Variants in KCNJ6 observed in about 807,000 individuals in gnomAD.
The protein encoded by KCNJ6 is potassium inwardly rectifying channel subfamily J member 6.
Under a neutral mutation model 34.2 loss-of-function variants are expected in KCNJ6, and 9 were observed. The observed-to-expected ratio is 0.26, with a 90% CI of 0.16 to 0.46. KCNJ6 has a LOEUF of 0.46. KCNJ6 is among the 20% of genes least tolerant of loss of function. The pLI is 1.00. For missense variants in KCNJ6, 236 were observed against 531.3 expected (o/e 0.44, Z 5.46); for synonymous variants, 196 against 207.1 (o/e 0.95, Z 0.46).
At chr21:37,767,539 C>T (rs558811339) in intron 2 of KCNJ6, among the ~76,000 whole-genome samples, 9 of 152,262 alleles carry the variant, frequency 5.9e-5, no homozygotes, top group African/African-American at 2.2e-4. Flanking sequence ...CTCACCACTC[C>T]CCAGCCCCAG....
intron 2 of KCNJ6, among the ~76,000 whole-genome samples, chr21:37,825,726 G>C (rs2055395945): frequency 6.6e-6 from 1 of 152,136 alleles, no homozygotes; most frequent in Admixed American, 6.5e-5. Context: ...AGGTTTAATG[G>C]ACTCACAGTT....
intron 2 of KCNJ6, among the ~76,000 whole-genome samples, chr21:37,734,834 G>GAT (rs2054904396): frequency 6.6e-6 from 1 of 152,122 alleles, no homozygotes; most frequent in South Asian, 2.1e-4. Flanking sequence ...TCCTATGATT[G>GAT]ATATATATAA....
In KCNJ6 at chr21:37,895,241, G is replaced by A. The variant is rs371627902; in HGVS notation, c.-28+20643C>T. Among the ~76,000 whole-genome samples, 235 of 152,290 alleles carry A rather than the reference G, an allele frequency of 1.5e-3. 2 individuals are homozygous for A. Among genetic ancestry groups the A allele is most frequent in the African/African-American group, 5.1e-3 (214 of 41,558 alleles). On this transcript the variant is annotated intron_variant, in intron 1 of 3. Transcript: ENST00000609713. ...TTCTTAAGGATTCAGGAGGCAACACGGCTTTGTCCTTAAAGACCTTAATGA... is the reference window on the plus strand; with the variant it reads ...TTCTTAAGGATTCAGGAGGCAACACAGCTTTGTCCTTAAAGACCTTAATGA...
chr21:37,648,943 C>A (rs1324119923), intron 3 of KCNJ6, among the ~76,000 whole-genome samples: 1 of 151,882 alleles, frequency 6.6e-6, no homozygotes, highest in Admixed American at 6.6e-5. Context: ...ACAAGCCTGG[C>A]CAACATGGTG....
chr21:37,850,955 G>A (rs2055534326), intron 1 of KCNJ6, among the ~76,000 whole-genome samples: 1 of 152,162 alleles, frequency 6.6e-6, no homozygotes, highest in Non-Finnish European at 1.5e-5. Context: ...GCAGTGAAGA[G>A]TAATTGATTG....
intron 1 of KCNJ6, among the ~76,000 whole-genome samples, chr21:37,846,353 CTGTGTG>C (rs55697215): frequency 0.14 from 19,865 of 144,564 alleles, 1,406 homozygotes; most frequent in African/African-American, 0.18. Flanking sequence ...CTGAGACACT[CTGTGTG>C]TGTGTGTGTG....
At chr21:37,793,907 T>C (rs1181166886) in intron 2 of KCNJ6, among the ~76,000 whole-genome samples, 1 of 152,210 alleles carries the variant, frequency 6.6e-6, no homozygotes. Context: ...AGGCAGGAAA[T>C]GACACAGGCA....
intron 3 of KCNJ6, among the ~76,000 whole-genome samples, chr21:37,655,213 GTGTGTGTGTGTGAGAGAGAGAGAGA>G (rs2054454095): frequency 3.7e-5 from 2 of 54,486 alleles, no homozygotes; most frequent in African/African-American, 1.1e-4. Flanking sequence ...GTGTGTGTGT[GTGTGTGTGTGTGAGAGAGAGAGAGA>G]GAGAGAGAGA....
chr21:37,707,712 A>AGTGTGTGTGTGTGTGTGTGGGGT (rs1556022131), intron 3 of KCNJ6, among the ~76,000 whole-genome samples: 2 of 132,868 alleles, frequency 1.5e-5, no homozygotes, highest in African/African-American at 7.4e-5. Context: ...TTAGCTGTTT[A>AGTGTGTGTGTGTGTGTGTGGGGT]GTATCTGTGC....
intron 2 of KCNJ6, among the ~76,000 whole-genome samples, chr21:37,783,846 C>G (rs188426781): frequency 1.3e-5 from 2 of 152,098 alleles, no homozygotes; most frequent in Non-Finnish European, 2.9e-5. Context: ...TAAGAGACAC[C>G]AGACAACTCT....
chr21:37,706,065 A>T (rs1261373866), intron 3 of KCNJ6, among the ~76,000 whole-genome samples: 1 of 144 alleles, frequency 6.9e-3, no homozygotes, highest in Non-Finnish European at 0.017. Flanking sequence ...CTTCCACGAG[A>T]GCCTTAAGAA....
intron 2 of KCNJ6, among the ~76,000 whole-genome samples, chr21:37,822,405 A>G (rs1444021616): frequency 1.3e-5 from 2 of 151,860 alleles, no homozygotes; most frequent in Non-Finnish European, 2.9e-5. Context: ...TTCCCCCAAC[A>G]CCAGACAGCA....
At chr21:37,632,270 T>C (rs73906092) in intron 3 of KCNJ6, among the ~76,000 whole-genome samples, 13,668 of 119,828 alleles carry the variant, frequency 0.11, 1,017 homozygotes, top group South Asian at 0.25. Flanking sequence ...TTGGAATATA[T>C]GACCACACTT....
chr21:37,817,396 C>A (rs1294266483), intron 2 of KCNJ6, among the ~76,000 whole-genome samples: 1 of 152,034 alleles, frequency 6.6e-6, no homozygotes, highest in Non-Finnish European at 1.5e-5. Context: ...TTAGAAAGGC[C>A]CCTGATGCAT....
At chr21:37,713,051 A>ATAGCAAAAGTTTC (rs1210564790) in intron 3 of KCNJ6, among the ~76,000 whole-genome samples, 1 of 152,080 alleles carries the variant, frequency 6.6e-6, no homozygotes, top group Non-Finnish European at 1.5e-5. Context: ...TAAAAACCCT[A>ATAGCAAAAGTTTC]TAGCAAAAGT....
intron 3 of KCNJ6, among the ~76,000 whole-genome samples, chr21:37,631,675 T>C (rs1019442293): frequency 4.6e-5 from 7 of 152,150 alleles, no homozygotes; most frequent in African/African-American, 1.7e-4. Flanking sequence ...GTGGCCCCAG[T>C]GTAGAACTGG....
intron 1 of KCNJ6, among the ~76,000 whole-genome samples, chr21:37,889,421 C>G (rs4817902): frequency 2.1e-5 from 3 of 143,804 alleles, no homozygotes; most frequent in Admixed American, 6.8e-5. Context: ...GAGGAGGTGA[C>G]GGCAGAAGAA....
At chr21:37,828,597 T>G (rs2055409994) in intron 2 of KCNJ6, among the ~76,000 whole-genome samples, 1 of 152,130 alleles carries the variant, frequency 6.6e-6, no homozygotes, top group Non-Finnish European at 1.5e-5. Flanking sequence ...AAAAGCAAAT[T>G]CCTCCAAGCA....
At chr21:37,672,176 G>A (rs2054545296) in intron 3 of KCNJ6, among the ~76,000 whole-genome samples, 1 of 152,094 alleles carries the variant, frequency 6.6e-6, no homozygotes, top group East Asian at 1.9e-4. Context: ...GAGCTCATCT[G>A]CTTGTCCCCA....
Sources: allele counts gnomAD v4.1 joint callset (sites outside exome capture counted in the v4.1 genomes callset), GRCh38; gene constraint gnomAD v4.1.1; transcripts MANE v1.5; gene names NCBI Gene and HGNC (gene_info 2026-07-23, HGNC 2026-07-21).